The following MAD1L1 variants were observed in gnomAD, a reference collection of about 807,000 sequenced individuals.
MAD1L1 encodes mitotic spindle assembly checkpoint protein MAD1.
Under a neutral mutation model 96.9 loss-of-function variants are expected in MAD1L1, and 95 were observed. That is an observed-to-expected ratio of 0.98 (90% CI 0.83 to 1.16). MAD1L1 has a LOEUF of 1.16. Ranked by LOEUF, MAD1L1 falls within the 50% of genes most tolerant of loss-of-function variation. The pLI, the probability that MAD1L1 is intolerant of heterozygous loss-of-function variation, is 0.00. For missense variants in MAD1L1, 1,007 were observed against 954.4 expected, an observed-to-expected ratio of 1.06 and a Z score of -0.73; for synonymous variants, 473 against 396.6, an observed-to-expected ratio of 1.19 and a Z score of -2.29.
chr7:1,840,176 G>A (rs1385563231), intron 18 of MAD1L1, among the ~76,000 whole-genome samples: 1 of 152,176 alleles, frequency 6.6e-6, no homozygotes, highest in Admixed American at 6.5e-5. Context: ...TGGAGCCCGA[G>A]GCCTACCCCT....
intron 4 of MAD1L1, among the ~76,000 whole-genome samples, chr7:2,224,906 G>A (rs1793803195): frequency 2.0e-5 from 3 of 152,098 alleles, no homozygotes; most frequent in South Asian, 2.1e-4. Context: ...GCATGGACCC[G>A]AGACCCTGAT....
chr7:2,146,885 G>C lies in MAD1L1; in HGVS notation c.1073+2267C>G, dbSNP rs374282042. On this transcript the variant is annotated intron_variant, in intron 11 of 18. Coordinates refer to ENST00000265854, the MANE Select transcript of MAD1L1 (RefSeq NM_001013836.2). This position sits in a 1 kb window ranked among gnomAD's most constrained non-coding sequence, Gnocchi z 6.2. Reference sequence around the variant, plus strand: ...GCGACGAACACGGTGTCCCGCCACGGAAGAGAGCAGCAGCCCAGAGGCCAG... The same window carrying C: ...GCGACGAACACGGTGTCCCGCCACGCAAGAGAGCAGCAGCCCAGAGGCCAG... 6.6e-6 allele frequency among the ~76,000 whole-genome samples: 1 copy of C among 152,214 alleles called. No homozygotes were observed. The highest frequency in any genetic ancestry group is 1.5e-5 in the Non-Finnish European group (1 of 68,040).
chr7:2,120,118 C>T lies in MAD1L1; in HGVS notation c.1073+29034G>A, dbSNP rs145223290. On this transcript the variant is annotated intron_variant, in intron 11 of 18. Coordinates refer to ENST00000265854, the MANE Select transcript of MAD1L1 (RefSeq NM_001013836.2). ...GAGCCTCCTGCAGTCCCACGCCCCA[C>T]ACTGGGTCTATGGTAAGGCCACCTC... Among the ~76,000 whole-genome samples the T allele has an allele frequency of 5.3e-3, 806 of 152,340 alleles. 8 individuals are homozygous for T. Among genetic ancestry groups the T allele is most frequent in the African/African-American group, 0.019 (770 of 41,574 alleles).
At chr7:2,186,095 G>C (rs1375696083) in intron 10 of MAD1L1, among the ~76,000 whole-genome samples, 1 of 152,160 alleles carries the variant, frequency 6.6e-6, no homozygotes, top group Non-Finnish European at 1.5e-5. Context: ...AATGTTATCA[G>C]AAAAATGGGC....
chr7:1,920,556 G>A (rs1376726351), intron 17 of MAD1L1, among the ~76,000 whole-genome samples: 1 of 152,244 alleles, frequency 6.6e-6, no homozygotes, highest in African/African-American at 2.4e-5. Context: ...GTGCAGGTGT[G>A]GGGTGGGCGG....
intron 10 of MAD1L1, 134 bp downstream of exon 10, chr7:2,213,078 C>A: frequency 1.1e-6 from 1 of 870,750 alleles, no homozygotes; most frequent in South Asian, 1.5e-5. Context: ...CCTGAGCAGC[C>A]CAGGACAAAT....
chr7:2,043,865 G>C (rs560772997), intron 12 of MAD1L1, among the ~76,000 whole-genome samples: 9 of 152,258 alleles, frequency 5.9e-5, no homozygotes, highest in Admixed American at 2.6e-4. Flanking sequence ...CAGGGCCAGG[G>C]AGGGCCGGGC....
intron 18 of MAD1L1, among the ~76,000 whole-genome samples, chr7:1,864,103 G>C (rs1000610458): frequency 1.3e-5 from 2 of 152,220 alleles, no homozygotes; most frequent in African/African-American, 4.8e-5. Context: ...AACTGGCCAG[G>C]ATGGGGACGG....
chr7:2,207,089 A>G (rs893669487), intron 10 of MAD1L1, among the ~76,000 whole-genome samples: 1 of 152,098 alleles, frequency 6.6e-6, no homozygotes, highest in Non-Finnish European at 1.5e-5. Flanking sequence ...AAAAAAAAAA[A>G]AAAAAAGAAA....
chr7:2,216,139 T>C lies in MAD1L1; in HGVS notation c.809+18A>G, dbSNP rs994822382. On this transcript the variant is annotated intron_variant, in intron 8 of 18. Transcript: ENST00000265854. The stretch of plus-strand genomic sequence containing the variant: ...AGACTCACTCGAGGCGGCTGCCCCA[T>C]CCCCCGCAACCCCTCACCGCAGGTG... 6.2e-7 allele frequency: 1 copy of C among 1,610,324 alleles called. No individual in the cohort carries two copies. Among genetic ancestry groups the C allele is most frequent in the Non-Finnish European group, 8.5e-7 (1 of 1,179,030 alleles).
chr7:1,963,868 T>C (rs543247579), intron 15 of MAD1L1, among the ~76,000 whole-genome samples: 2 of 152,190 alleles, frequency 1.3e-5, no homozygotes, highest in Admixed American at 6.5e-5. Flanking sequence ...CACAGCCCAG[T>C]GTCACCGTCT....
chr7:2,228,664 T>C (rs66905103), intron 3 of MAD1L1, among the ~76,000 whole-genome samples: 218 of 17,086 alleles, frequency 0.013, no homozygotes, highest in African/African-American at 0.12. Context: ...CACACACACA[T>C]ATATATATAT....
intron 18 of MAD1L1, among the ~76,000 whole-genome samples, chr7:1,861,337 G>C (rs757904931): frequency 2.6e-5 from 4 of 152,234 alleles, no homozygotes; most frequent in Admixed American, 6.5e-5. Context: ...CAGTGACAAC[G>C]GGGCTGAGGT....
At chr7:2,003,392 G>A (rs569820655) in intron 13 of MAD1L1, among the ~76,000 whole-genome samples, 6 of 152,246 alleles carry the variant, frequency 3.9e-5, no homozygotes, top group South Asian at 4.1e-4. Context: ...GACACAGCCT[G>A]GGGAAAGTGG....
intron 17 of MAD1L1, among the ~76,000 whole-genome samples, chr7:1,924,151 C>A (rs866946158): frequency 6.6e-6 from 1 of 152,210 alleles, no homozygotes; most frequent in Non-Finnish European, 1.5e-5. Context: ...ATTTTAAAGA[C>A]GCTCCAAGAA....
At chr7:2,227,020 G>A (rs947915741) in intron 3 of MAD1L1, among the ~76,000 whole-genome samples, 4 of 150,540 alleles carry the variant, frequency 2.7e-5, no homozygotes, top group African/African-American at 9.8e-5. Context: ...TAGGCCAGGC[G>A]TGGTGGCTCA....
chr7:2,045,970 C>G (rs1401223713), intron 12 of MAD1L1, among the ~76,000 whole-genome samples: 3 of 152,236 alleles, frequency 2.0e-5, no homozygotes, highest in Admixed American at 2.0e-4. Flanking sequence ...AGCCCTGCTC[C>G]CTGAGGGCCT....
chr7:2,066,625 G>C (rs966990527), intron 12 of MAD1L1, among the ~76,000 whole-genome samples: 5 of 152,236 alleles, frequency 3.3e-5, no homozygotes, highest in African/African-American at 1.2e-4. Flanking sequence ...TGAGCGGGCC[G>C]GGGTGGCCAT....
At chr7:2,097,214 C>T (rs1482675905) in intron 11 of MAD1L1, among the ~76,000 whole-genome samples, 1 of 151,838 alleles carries the variant, frequency 6.6e-6, no homozygotes, top group African/African-American at 2.4e-5. Context: ...CCCCTCTTGG[C>T]TCTGCCACAC....
Sources: gnomAD v4.1 joint callset for allele counts (sites outside exome capture counted in the v4.1 genomes callset) on GRCh38, gnomAD v4.1.1 for gene constraint, Gnocchi (gnomAD v3.1) non-coding constraint, MANE v1.5 for transcripts, NCBI Gene and HGNC (gene_info 2026-07-23, HGNC 2026-07-21) for gene names.